Variants in ANXA13 observed in about 807,000 individuals in gnomAD.
ANXA13 encodes annexin XIII.
In ANXA13, 36 loss-of-function variants were observed where a neutral mutation model predicts 46.6. The observed-to-expected ratio is 0.77, with a 90% CI of 0.59 to 1.02. ANXA13 has a LOEUF of 1.02. ANXA13 is among the 50% of genes least tolerant of loss of function. ANXA13 has a pLI of 0.00. For missense variants in ANXA13, 417 were observed against 396.5 expected (o/e 1.05, Z -0.44); for synonymous variants, 163 against 152.9 (o/e 1.07, Z -0.49).
intron 8 of ANXA13, among the ~76,000 whole-genome samples, chr8:123,691,689 A>G (rs1042636428): frequency 7.2e-5 from 11 of 152,244 alleles, no homozygotes; most frequent in Non-Finnish European, 2.9e-5. Flanking sequence ...ACTGTAATAT[A>G]CATTAAAATC....
At chr8:123,719,089 T>C (rs1798573993) in intron 1 of ANXA13, among the ~76,000 whole-genome samples, 1 of 152,228 alleles carries the variant, frequency 6.6e-6, no homozygotes, top group Non-Finnish European at 1.5e-5. Flanking sequence ...GGGATATGAT[T>C]TGCAAATTGG....
At chr8:123,716,980 T>G (rs1037446869) in intron 1 of ANXA13, among the ~76,000 whole-genome samples, 2 of 152,198 alleles carry the variant, frequency 1.3e-5, no homozygotes, top group African/African-American at 4.8e-5. Flanking sequence ...CCATTTGTTT[T>G]CAACTAGGAG....
In ANXA13 at chr8:123,688,003, G is replaced by T. The variant is rs184527454; in HGVS notation, c.718+868C>A. Among the ~76,000 whole-genome samples, 532 of 152,280 alleles carry T rather than the reference G, an allele frequency of 3.5e-3. 5 individuals are homozygous for T. Among genetic ancestry groups the T allele is most frequent in the African/African-American group, 0.012 (505 of 41,562 alleles). On this transcript the variant is annotated intron_variant, in intron 9 of 10. Coordinates refer to ENST00000419625, the MANE Select transcript of ANXA13 (RefSeq NM_004306.4). ...TTGAAAACATTGAAAGGAACCAAAT[G>T]GAAAAGGAAACCTGTGAGCTATCAG...
rs750356858 is a variant in ANXA13, at chr8:123,684,616, C to T, written c.825G>A (p.Arg275=). ...EETLIRIVVT[R]AEVDLQGIKA... ...GAGTCGGAGTGTGTCTTACCTCGGC[C>T]CTGGTCACGACTATGCGAATCAACG... Residue 275 remains arginine (R), a synonymous_variant, in exon 10 of 11, where the codon AGG becomes AGA. Transcript: ENST00000419625. The T allele has an allele frequency of 1.9e-6, 3 of 1,612,800 alleles. No individual in the cohort carries two copies. The highest frequency in any genetic ancestry group is 2.5e-6 in the Non-Finnish European group (3 of 1,178,862).
At chr8:123,732,442 C>A (rs2385508) in intron 1 of ANXA13, among the ~76,000 whole-genome samples, 66,226 of 151,776 alleles carry the variant, frequency 0.44, 14,787 homozygotes, top group South Asian at 0.53. Flanking sequence ...CTTCCAGTTA[C>A]AACCATCACC....
Position 123,737,207 on chromosome 8 carries a change from A to G in ANXA13, c.15+113T>C, listed in dbSNP as rs115699898. On this transcript the variant is annotated intron_variant, in intron 1 of 10. Transcript: ENST00000419625. ...GTATGCTGTTGCTAAAACCAATATTAAAGGGTAACCATAGTGATAAAGTAT... is the reference window on the plus strand; with the variant it reads ...GTATGCTGTTGCTAAAACCAATATTGAAGGGTAACCATAGTGATAAAGTAT... The G allele has an allele frequency of 1.2e-3, 1,341 of 1,098,856 alleles. 10 individuals carry two copies. In the African/African-American group the frequency reaches 0.018, roughly 15 times the overall value. 68.1% of individuals were successfully genotyped at this position (1,098,856 alleles called of 1,614,324 possible).
rs565253522 is a variant in ANXA13 at position 123,707,178 on chromosome 8, A to ATGAATGAATTGATGGG, written c.92-4458_92-4443dup. ...GATGCTTAAACATGTGCACAGATGA[A>ATGAATGAATTGATGGG]TGAATGAATTGATGGGTGAATGAAT... On this transcript the variant is annotated intron_variant, in intron 2 of 10. Transcript: ENST00000419625. Among the ~76,000 whole-genome samples the ATGAATGAATTGATGGG allele has an allele frequency of 2.0e-4, 31 of 152,340 alleles. 1 individual carries two copies. In the South Asian group the frequency reaches 6.4e-3, roughly 32 times the overall value.
At position 123,704,236 on chromosome 8, in the gene ANXA13, G is replaced by A. The variant is rs115934107; in HGVS notation, c.92-1500C>T. ...CTGCTCACCCCAGTGATCGAGCTCG[G>A]TGGGATCAAGGCACAGCAGTCAGCA... On this transcript the variant is annotated intron_variant, in intron 2 of 10. Transcript: ENST00000419625. Among the ~76,000 whole-genome samples, 1,257 of 151,864 alleles carry A rather than the reference G, an allele frequency of 8.3e-3. 19 individuals carry two copies. The highest frequency in any genetic ancestry group is 0.028 in the African/African-American group (1,146 of 41,384).
intron 10 of ANXA13, among the ~76,000 whole-genome samples, chr8:123,682,507 C>A (rs1813057915): frequency 1.3e-5 from 2 of 152,180 alleles, no homozygotes; most frequent in Non-Finnish European, 2.9e-5. Flanking sequence ...GGATCTGATT[C>A]TTTCTTCTCT....
chr8:123,684,651 C>A lies in ANXA13; in HGVS notation c.790G>T (p.Asp264Tyr), dbSNP rs567023364. Residue 264 changes from aspartate (D) to tyrosine (Y), a missense_variant, in exon 10 of 11, where the codon GAT becomes TAT. By Grantham distance (160) the Asp-to-Tyr change is radical. Transcript: ENST00000419625. Reference sequence around the variant, plus strand: ...ACTATGCGAATCAACGTCTCCTCATCGGTCCCCGCACCCTTCATCGACTTG... The same window carrying A: ...ACTATGCGAATCAACGTCTCCTCATAGGTCCCCGCACCCTTCATCGACTTG... The part of the protein sequence containing the change: ...LYKSMKGAGT[D>Y]EETLIRIVVT... 6.2e-7 allele frequency: 1 copy of A among 1,614,006 alleles called. No homozygotes were observed. The highest frequency in any genetic ancestry group is 1.1e-5 in the South Asian group (1 of 91,082).
At chr8:123,700,131 C>G (rs897864604) in intron 3 of ANXA13, among the ~76,000 whole-genome samples, 1 of 152,202 alleles carries the variant, frequency 6.6e-6, no homozygotes, top group African/African-American at 2.4e-5. Flanking sequence ...ATTATGCCTC[C>G]GCCCCACAGT....
At chr8:123,695,924 C>T (rs1310396861) in intron 4 of ANXA13, among the ~76,000 whole-genome samples, 4 of 149,374 alleles carry the variant, frequency 2.7e-5, no homozygotes. Context: ...CCCACTCCGC[C>T]CACCTCTGCA....
intron 2 of ANXA13, among the ~76,000 whole-genome samples, chr8:123,703,527 T>C (rs1813485474): frequency 6.6e-6 from 1 of 152,218 alleles, no homozygotes; most frequent in South Asian, 2.1e-4. Context: ...TAAAATGTTT[T>C]AAAAAACAAA....
intron 9 of ANXA13, among the ~76,000 whole-genome samples, chr8:123,686,544 T>A (rs569549850): frequency 6.6e-6 from 1 of 152,238 alleles, no homozygotes; most frequent in East Asian, 1.9e-4. Flanking sequence ...CGGTGCTCTA[T>A]ATCTTGCTCC....
intron 1 of ANXA13, among the ~76,000 whole-genome samples, chr8:123,722,770 G>A (rs1206528204): frequency 2.0e-5 from 3 of 152,226 alleles, no homozygotes; most frequent in Non-Finnish European, 4.4e-5. Flanking sequence ...GCGCTGGACA[G>A]GGAGGTTTCA....
chr8:123,695,051 G>A (rs1355492703), intron 6 of ANXA13, among the ~76,000 whole-genome samples: 1 of 152,056 alleles, frequency 6.6e-6, no homozygotes, highest in East Asian at 1.9e-4. Context: ...TGAGTTTCTT[G>A]TTGTAGTCCT....
At chr8:123,726,129 A>C (rs1001517884) in intron 1 of ANXA13, among the ~76,000 whole-genome samples, 3 of 152,222 alleles carry the variant, frequency 2.0e-5, no homozygotes, top group Non-Finnish European at 4.4e-5. Flanking sequence ...TGTTGACTGT[A>C]TGTTCTGAAA....
At position 123,712,722 on chromosome 8, in the gene ANXA13, A is replaced by G. The variant is rs778797279; in HGVS notation, c.47T>C (p.Val16Ala). The stretch of plus-strand genomic sequence containing the variant: ...GTTCAGCTTTTTGGCATCTCGATCC[A>G]CATCAAAACCCTGAGGACTGCTCGC... ...AKASSPQGFD[V>A]DRDAKKLNKA... is the part of the protein sequence containing the mutation. Residue 16 changes from valine to alanine, a missense_variant, in exon 2 of 11, where the codon GTG becomes GCG. Physicochemically the swap from Val to Ala is moderately conservative, Grantham distance 64. Coordinates refer to ENST00000419625, the MANE Select transcript of ANXA13 (RefSeq NM_004306.4). 6.2e-7 allele frequency: 1 copy of G among 1,614,234 alleles called. No individual in the cohort carries two copies. The highest frequency in any genetic ancestry group is 1.1e-5 in the South Asian group (1 of 91,078).
chr8:123,687,089 G>A (rs62518599), intron 9 of ANXA13, among the ~76,000 whole-genome samples: 52,556 of 151,872 alleles, frequency 0.35, 9,331 homozygotes, highest in Middle Eastern at 0.39. Flanking sequence ...TCCACCATGA[G>A]CTTTAGGCTC....
Sources: gnomAD v4.1 joint callset for allele counts (sites outside exome capture counted in the v4.1 genomes callset) on GRCh38, gnomAD v4.1.1 for gene constraint, MANE v1.5 for transcripts, NCBI Gene and HGNC (gene_info 2026-07-23, HGNC 2026-07-21) for gene names.